ZNF33A: variants seen among roughly 807,000 people sequenced by gnomAD.
ZNF33A encodes brain my041 protein.
ZNF33A carries 9 observed loss-of-function variants against 15.9 expected under a neutral mutation model. That is an observed-to-expected ratio of 0.57 (90% confidence interval 0.34 to 0.99). The LOEUF (loss-of-function observed/expected upper bound fraction) is 0.99. ZNF33A is among the 50% of genes least tolerant of loss of function. The pLI is 0.02. For missense variants in ZNF33A, 843 were observed against 941.6 expected (o/e 0.90, Z 1.37); for synonymous variants, 294 against 324.2 (o/e 0.91, Z 1.00).
At chr10:38,067,524 G>T (rs1230251409), downstream of ZNF33A, among the ~76,000 whole-genome samples, 1 of 152,228 alleles carries the variant, frequency 6.6e-6, no homozygotes, top group Non-Finnish European at 1.5e-5. Flanking sequence ...CAAAGCCATA[G>T]GAAGGATTTG....
intron 4 of ZNF33A, among the ~76,000 whole-genome samples, chr10:38,022,655 C>G (rs2064803929): frequency 1.8e-5 from 1 of 56,294 alleles, no homozygotes; most frequent in South Asian, 7.5e-4. Context: ...AAAACTCTGT[C>G]TCAAAAAAAA....
intron 4 of ZNF33A, among the ~76,000 whole-genome samples, chr10:38,047,171 C>T (rs576725303): frequency 8.5e-6 from 1 of 117,034 alleles, no homozygotes; most frequent in East Asian, 2.5e-4. Flanking sequence ...GGAGTGAGAC[C>T]GTCTCCCCCC....
intron 4 of ZNF33A, among the ~76,000 whole-genome samples, chr10:38,041,841 TTTGTTG>T (rs968788245): frequency 2.0e-5 from 3 of 152,082 alleles, no homozygotes; most frequent in African/African-American, 7.2e-5. Context: ...TTGATGGCTT[TTTGTTG>T]TTGTTGTTGT....
At chr10:38,046,480 A>C (rs571590478) in intron 4 of ZNF33A, among the ~76,000 whole-genome samples, 6 of 152,160 alleles carry the variant, frequency 3.9e-5, no homozygotes, top group Non-Finnish European at 8.8e-5. Context: ...TTGCCTAAGA[A>C]ATCATAAAAG....
rs1190614552 is a variant in ZNF33A, at chr10:38,057,986, G to A, written c.*1426G>A. ...ATCAAGCTGGTGTGGGGCTTTTATTGATAGTGTGAAGATTGTACACTATAT... is the reference window on the plus strand; with the variant it reads ...ATCAAGCTGGTGTGGGGCTTTTATTAATAGTGTGAAGATTGTACACTATAT... On this transcript the variant is annotated 3_prime_UTR_variant, in exon 5 of 5. Transcript: ENST00000432900. 4 of 985,332 alleles carry A rather than the reference G, an allele frequency of 4.1e-6. No homozygotes were observed. The highest frequency in any genetic ancestry group is 4.8e-6 in the Non-Finnish European group (4 of 829,906). 61.0% of individuals were successfully genotyped at this position (985,332 alleles called of 1,614,324 possible).
intron 4 of ZNF33A, among the ~76,000 whole-genome samples, chr10:38,044,746 C>T (rs2065877981): frequency 6.6e-6 from 1 of 152,084 alleles, no homozygotes. Flanking sequence ...CAGCTCACTG[C>T]AACCTCCGCC....
chr10:38,028,135 G>T (rs1286900527), intron 4 of ZNF33A, among the ~76,000 whole-genome samples: 1 of 152,016 alleles, frequency 6.6e-6, no homozygotes, highest in Non-Finnish European at 1.5e-5. Context: ...GGGTGTGGTG[G>T]TATGCGCTTG....
At chr10:38,030,674 G>T (rs2065176465) in intron 4 of ZNF33A, among the ~76,000 whole-genome samples, 1 of 152,146 alleles carries the variant, frequency 6.6e-6, no homozygotes, top group African/African-American at 2.4e-5. Flanking sequence ...AGAAAGAAGG[G>T]AGAAGAATGG....
At chr10:38,035,744 T>C (rs775502663) in intron 4 of ZNF33A, among the ~76,000 whole-genome samples, 1 of 152,030 alleles carries the variant, frequency 6.6e-6, no homozygotes, top group African/African-American at 2.4e-5. Context: ...ATACACAAAC[T>C]ACCAAGAGTT....
downstream of ZNF33A, among the ~76,000 whole-genome samples, chr10:38,066,499 G>T (rs1469521997): frequency 6.6e-6 from 1 of 151,698 alleles, no homozygotes; most frequent in Non-Finnish European, 1.5e-5. Flanking sequence ...TGATCCACCC[G>T]CCTTGGCCTC....
intron 4 of ZNF33A, among the ~76,000 whole-genome samples, chr10:38,027,383 T>C (rs940697060): frequency 2.0e-5 from 3 of 151,790 alleles, no homozygotes; most frequent in Admixed American, 6.6e-5. Context: ...AGAGACAGAG[T>C]CTCACTCTTG....
At chr10:38,015,520 A>AT (rs1310837427) in intron 2 of ZNF33A, among the ~76,000 whole-genome samples, 1 of 151,948 alleles carries the variant, frequency 6.6e-6, no homozygotes, top group Non-Finnish European at 1.5e-5. Flanking sequence ...GGGTTTCACC[A>AT]TTTTTGTCAG....
intron 3 of ZNF33A, 111 bp from the exon 4 acceptor site, chr10:38,017,180 A>G: frequency 7.2e-7 from 1 of 1,384,028 alleles, no homozygotes; most frequent in Non-Finnish European, 9.9e-7. Flanking sequence ...TCACCTCTCC[A>G]GTGAAAATGT....
downstream of ZNF33A, chr10:38,064,038 T>C (rs751816005): frequency 6.4e-7 from 1 of 1,569,460 alleles, no homozygotes; most frequent in Non-Finnish European, 8.6e-7. Context: ...ACATCAACCC[T>C]ACGACAGACA....
At chr10:38,044,364 C>G (rs1280452535) in intron 4 of ZNF33A, among the ~76,000 whole-genome samples, 1 of 112,436 alleles carries the variant, frequency 8.9e-6, no homozygotes, top group Non-Finnish European at 1.8e-5. Context: ...CGTGTGCTAC[C>G]ACACTCAGCT....
At chr10:38,020,125 A>G (rs964707077) in intron 4 of ZNF33A, among the ~76,000 whole-genome samples, 4 of 152,210 alleles carry the variant, frequency 2.6e-5, no homozygotes, top group Admixed American at 2.6e-4. Flanking sequence ...AACAAAACAA[A>G]TAGCAGCCTA....
rs1166571944 is a variant in ZNF33A, at chr10:38,057,970, G to A, written c.*1410G>A. On this transcript the variant is annotated 3_prime_UTR_variant, in exon 5 of 5. Coordinates refer to ENST00000432900, the MANE Select transcript of ZNF33A (RefSeq NM_006954.2). ...CTGGAGCAGAACCAGAATCAAGCTG[G>A]TGTGGGGCTTTTATTGATAGTGTGA... The A allele has an allele frequency of 3.0e-6, 3 of 985,308 alleles. No individual in the cohort carries two copies. The African/African-American group carries it at 5.2e-5, about 17-fold the overall frequency. The allele number at this position is 985,308 out of a possible 1,614,324, so 61.0% of individuals were successfully genotyped here. A position where few individuals can be genotyped will look rare whatever the true frequency, so the allele number is the denominator to read the frequency against.
intron 4 of ZNF33A, among the ~76,000 whole-genome samples, chr10:38,042,204 C>T (rs1443928047): frequency 1.3e-5 from 2 of 150,312 alleles, no homozygotes; most frequent in Non-Finnish European, 3.0e-5. Context: ...TTTTTTTTCC[C>T]CTGGGAGTCT....
downstream of ZNF33A, chr10:38,064,036 C>G (rs2066686430): frequency 6.4e-7 from 1 of 1,560,720 alleles, no homozygotes; most frequent in African/African-American, 1.3e-5. Flanking sequence ...TCACATCAAC[C>G]CTACGACAGA....
Sources: gnomAD v4.1 joint callset for allele counts (sites outside exome capture counted in the v4.1 genomes callset) on GRCh38, gnomAD v4.1.1 for gene constraint, MANE v1.5 for transcripts, NCBI Gene and HGNC (gene_info 2026-07-23, HGNC 2026-07-21) for gene names.